Variants in CDC45 observed in about 807,000 individuals in gnomAD.
CDC45 encodes the protein cell division cycle 45, also known as cell division control protein 45 homolog.
CDC45 carries 54 observed loss-of-function variants against 77.8 expected under a neutral mutation model. That is an observed-to-expected ratio of 0.69 (90% CI 0.56 to 0.87). The LOEUF (loss-of-function observed/expected upper bound fraction) is 0.87, where lower values mean the gene tolerates loss of function less well. Ranked by LOEUF, CDC45 falls within the 40% of genes least tolerant of loss-of-function variation. CDC45 has a pLI of 0.00. For missense variants in CDC45, 649 were observed against 721.6 expected (o/e 0.90, Z 1.15); for synonymous variants, 260 against 272.1 (o/e 0.96, Z 0.44).
chr22:19,494,291 T>C (rs1430571489), intron 5 of CDC45, 36 bp from the exon 6 acceptor site: 2 of 1,596,338 alleles, frequency 1.3e-6, no homozygotes, highest in African/African-American at 1.3e-5. Flanking sequence ...CCTGGTGCAT[T>C]TGCTCCACCT....
At chr22:19,481,321 C>T (rs1004387270) in intron 3 of CDC45, among the ~76,000 whole-genome samples, 1 of 152,236 alleles carries the variant, frequency 6.6e-6, no homozygotes. Flanking sequence ...TGCTTGGAAT[C>T]TAGCAGTTTT....
At chr22:19,515,711 G>C (rs181218416) in intron 15 of CDC45, among the ~76,000 whole-genome samples, 12 of 152,364 alleles carry the variant, frequency 7.9e-5, no homozygotes, top group African/African-American at 2.9e-4. Flanking sequence ...ACTAGGGACA[G>C]AGCATGGGCC....
rs13447212 is a variant in CDC45 at position 19,493,764 on chromosome 22, C to G, written c.487-563C>G. Among the ~76,000 whole-genome samples, 664 of 152,204 alleles carry G rather than the reference C, an allele frequency of 4.4e-3. 2 individuals are homozygous for G. Among genetic ancestry groups the G allele is most frequent in the South Asian group, 8.7e-3 (42 of 4,824 alleles). ...CCTTACTTTGTTTGATCTATGATGT[C>G]GAAGGGTTTTCGGTATATTTAATGA... On this transcript the variant is annotated intron_variant, in intron 5 of 18. Transcript: ENST00000263201.
intron 13 of CDC45, among the ~76,000 whole-genome samples, chr22:19,509,368 T>G (rs1269844628): frequency 6.6e-6 from 1 of 152,208 alleles, no homozygotes; most frequent in Non-Finnish European, 1.5e-5. Context: ...AGAGCCAGAG[T>G]TGGCGTCAGT....
At chr22:19,517,410 C>T (rs991099219) in intron 17 of CDC45, among the ~76,000 whole-genome samples, 1 of 152,246 alleles carries the variant, frequency 6.6e-6, no homozygotes, top group Non-Finnish European at 1.5e-5. Context: ...ATAGGCCTGC[C>T]TGCCCACTGC....
At chr22:19,486,387 A>G (rs7292872) in intron 5 of CDC45, among the ~76,000 whole-genome samples, 39,064 of 152,126 alleles carry the variant, frequency 0.26, 6,832 homozygotes, top group African/African-American at 0.49. Flanking sequence ...CTATTCTCCA[A>G]TCAAGATTAA....
At chr22:19,479,720 G>A (rs1448084169), upstream of CDC45, 1 of 676,956 alleles carries the variant, frequency 1.5e-6, no homozygotes, top group African/African-American at 1.8e-5. Flanking sequence ...GGGGGCAACA[G>A]TGTTTGCGTT....
At chr22:19,497,983 C>G (rs1031574019) in intron 8 of CDC45, among the ~76,000 whole-genome samples, 1 of 150,912 alleles carries the variant, frequency 6.6e-6, no homozygotes, top group Admixed American at 6.7e-5. Flanking sequence ...GCCTGGCCAA[C>G]ATGGTAAAAC....
intron 5 of CDC45, among the ~76,000 whole-genome samples, chr22:19,484,286 G>A (rs2090031333): frequency 6.6e-6 from 1 of 152,216 alleles, no homozygotes; most frequent in African/African-American, 2.4e-5. Context: ...AAAAAATAAT[G>A]TAGAGAAGCA....
chr22:19,514,693 T>C (rs1933682953), intron 13 of CDC45, 56 bp from the exon 14 acceptor site: 2 of 1,467,120 alleles, frequency 1.4e-6, no homozygotes, highest in African/African-American at 2.8e-5. Context: ...GACTTTGGTA[T>C]TTTACCAAGA....
intron 5 of CDC45, among the ~76,000 whole-genome samples, chr22:19,492,099 C>G (rs1182955947): frequency 4.6e-5 from 7 of 152,256 alleles, no homozygotes; most frequent in African/African-American, 1.7e-4. Flanking sequence ...AACCACCACA[C>G]CCAGCCAGCA....
Position 19,520,048 on chromosome 22 carries a change from G to A in CDC45, c.*2-433G>A, listed in dbSNP as rs989121554. ...GCGGAGGCAGAGGTGGGGCTCTCTG[G>A]CAGTGGAGTGGGTGCTAGAGGCAAA... On this transcript the variant is annotated intron_variant, in intron 18 of 18. Coordinates refer to ENST00000263201, the MANE Select transcript of CDC45 (RefSeq NM_003504.5). This position sits in a 1 kb window ranked among gnomAD's most constrained non-coding sequence, Gnocchi z 4.5. 6.6e-6 allele frequency among the ~76,000 whole-genome samples: 1 copy of A among 152,190 alleles called. No homozygotes were observed. Among genetic ancestry groups the A allele is most frequent in the Non-Finnish European group, 1.5e-5 (1 of 68,042 alleles).
chr22:19,482,586 G>C (rs1321840535), intron 3 of CDC45, 104 bp from the exon 4 acceptor site: 23 of 1,294,134 alleles, frequency 1.8e-5, no homozygotes, highest in Non-Finnish European at 2.4e-5. Flanking sequence ...CTCGCCACAT[G>C]TCAGGGACTG....
chr22:19,507,672 CG>C (rs1933275073), intron 11 of CDC45, 93 bp from the exon 12 acceptor site: 1 of 1,329,808 alleles, frequency 7.5e-7, no homozygotes. Context: ...AATGCTGGTG[CG>C]GGGACATCCT....
rs1488210828 is a variant in CDC45 at position 19,516,538 on chromosome 22, G to A, written c.1452G>A (p.Arg484=). The A allele has an allele frequency of 6.2e-7, 1 of 1,613,948 alleles. No individual in the cohort carries two copies. The highest frequency in any genetic ancestry group is 8.5e-7 in the Non-Finnish European group (1 of 1,179,912). ...LKSFVCSTKN[R]RCKLLPLVMA... is the part of the protein sequence containing the mutation. ...CTCCGACTCCATAGACAAAGAACCG[G>A]CGCTGCAAACTGCTGCCCCTGGTGA... Residue 484 remains arginine, a synonymous_variant, in exon 16 of 19, where the codon CGG becomes CGA. Transcript: ENST00000263201.
At position 19,496,046 on chromosome 22, in the gene CDC45, G is replaced by A. The variant is rs774497688; in HGVS notation, c.591+17G>A. ...GGGACATCGGTAAGTATGAATAGGT[G>A]GAACTCACTATAAAGTTCTGACTCC... On this transcript the variant is annotated intron_variant, in intron 7 of 18. Transcript: ENST00000263201. 31 of 1,563,638 alleles carry A rather than the reference G, an allele frequency of 2.0e-5. No homozygotes were observed. In the South Asian group the frequency reaches 3.2e-4, roughly 16 times the overall value.
chr22:19,518,026 C>T (rs1933896164), intron 17 of CDC45, among the ~76,000 whole-genome samples: 1 of 152,238 alleles, frequency 6.6e-6, no homozygotes, highest in South Asian at 2.1e-4. Context: ...GAGCTGCCTT[C>T]CTTGAGCCAG....
Position 19,507,795 on chromosome 22 carries a change from T to A in CDC45, c.986T>A (p.Phe329Tyr). 1 of 1,601,840 alleles carries A rather than the reference T, an allele frequency of 6.2e-7. No individual in the cohort carries two copies. Among genetic ancestry groups the A allele is most frequent in the South Asian group, 1.1e-5 (1 of 88,194 alleles). Residue 329 changes from phenylalanine to tyrosine, a missense_variant, in exon 12 of 19, where the codon TTC (phenylalanine) becomes TAC (tyrosine). By Grantham distance (22) the Phe-to-Tyr change is conservative. Transcript: ENST00000263201. Reference sequence around the variant, plus strand: ...CCCCTGAAGCAGGTGAAGCAGAAGTTCCAGGCCATGGACATCTCCTTGAAG... The same window carrying A: ...CCCCTGAAGCAGGTGAAGCAGAAGTACCAGGCCATGGACATCTCCTTGAAG... ...GLPLKQVKQKFQAMDISLKEN... is the reference protein window; with the variant it reads ...GLPLKQVKQKYQAMDISLKEN...
At position 19,518,922 on chromosome 22, in the gene CDC45, G is replaced by T. The variant is rs763193331; in HGVS notation, c.*1+13G>T. 1.1e-5 allele frequency: 18 copies of T among 1,608,508 alleles called. No individual in the cohort carries two copies. In the East Asian group the frequency reaches 2.0e-4, roughly 18 times the overall value. On this transcript the variant is annotated intron_variant, in intron 18 of 18. Transcript: ENST00000263201. ...CTCCTGTCCTAGGGTGAGTTACAGGGGTTCTGCAGGGGTGGCTGCAGCAGC... is the reference window on the plus strand; with the variant it reads ...CTCCTGTCCTAGGGTGAGTTACAGGTGTTCTGCAGGGGTGGCTGCAGCAGC...
Sources: gnomAD v4.1 joint callset for allele counts (sites outside exome capture counted in the v4.1 genomes callset) on GRCh38, gnomAD v4.1.1 for gene constraint, Gnocchi (gnomAD v3.1) non-coding constraint, MANE v1.5 for transcripts, NCBI Gene and HGNC (gene_info 2026-07-23, HGNC 2026-07-21) for gene names.